CLU: variants seen among roughly 807,000 people sequenced by gnomAD.
CLU encodes clusterin, also known as aging-associated protein 4.
Under a neutral mutation model 46.4 loss-of-function variants are expected in CLU, and 25 were observed. The observed-to-expected ratio is 0.54, with a 90% CI of 0.39 to 0.75. The LOEUF is 0.75. Among genes scored for constraint, CLU ranks in the 30% least tolerant of loss-of-function variants. The pLI is 0.00. For synonymous variants in CLU, 235 were observed against 235.1 expected (o/e 1.00, Z 0.00); for missense variants, 504 against 592.1 (o/e 0.85, Z 1.54).
intron 1 of CLU, chr8:27,611,641 C>G: frequency 2.2e-6 from 1 of 457,892 alleles, no homozygotes; most frequent in Non-Finnish European, 4.4e-6. Context: ...TGGGGTTCCC[C>G]TTCCTGAAAT....
At position 27,604,387 on chromosome 8, in the gene CLU, C is replaced by G; in HGVS notation, c.838G>C (p.Asp280His). Residue 280 changes from aspartate (D) to histidine (H), a missense_variant, in exon 6 of 9, where the codon GAT becomes CAT. By Grantham distance (81) the Asp-to-His change is moderately conservative (BLOSUM62 -1). Around this residue, in one of 3 missense-constraint regions of CLU, gnomAD observed 428 missense variants for 484.0 expected, o/e 0.88. Transcript: ENST00000316403. ...PPTEFIREGD[D>H]DRTVCREIRH... ...ATCTCCCGGCACACAGTCCGGTCAT[C>G]GTCGCCTTCTGGGGACACACGAGGG... The G allele has an allele frequency of 1.2e-6, 2 of 1,614,142 alleles. No individual in the cohort carries two copies. Among genetic ancestry groups the G allele is most frequent in the Non-Finnish European group, 1.7e-6 (2 of 1,180,006 alleles).
chr8:27,598,433 G>A, intron 8 of CLU, 27 bp downstream of exon 8: 1 of 1,613,568 alleles, frequency 6.2e-7, no homozygotes, highest in Non-Finnish European at 8.5e-7. Flanking sequence ...GGCCCTGCAG[G>A]CCCGCAGGAA....
chr8:27,607,508 T>C (rs916680705), intron 3 of CLU, among the ~76,000 whole-genome samples: 24 of 151,776 alleles, frequency 1.6e-4, no homozygotes, highest in Non-Finnish European at 2.5e-4. Context: ...CAAACTATGG[T>C]TCATATAAAG....
At chr8:27,614,278 G>T (rs1800976712) in intron 1 of CLU, 1 of 167,726 alleles carries the variant, frequency 6.0e-6, no homozygotes, top group African/African-American at 2.4e-5. Flanking sequence ...CAGAGGATAT[G>T]CTGCAGGAAG....
intron 6 of CLU, 119 bp downstream of exon 6, chr8:27,604,172 A>T: frequency 1.3e-6 from 1 of 791,372 alleles, no homozygotes; most frequent in Non-Finnish European, 2.2e-6. Flanking sequence ...CAAAGGCTGC[A>T]GAGCTGGAAT....
chr8:27,603,958 G>A (rs1298990236), intron 6 of CLU, among the ~76,000 whole-genome samples: 2 of 152,200 alleles, frequency 1.3e-5, no homozygotes, highest in African/African-American at 2.4e-5. Context: ...TGCGCTTGGC[G>A]CTTGGGAACA....
At position 27,609,106 on chromosome 8, in the gene CLU, G is replaced by C; in HGVS notation, c.98-20C>G. 1.2e-6 allele frequency: 2 copies of C among 1,612,868 alleles called. No individual in the cohort carries two copies. The highest frequency in any genetic ancestry group is 8.5e-7 in the Non-Finnish European group (1 of 1,179,952). ...ACATTTCTGCAAGAGAAGTGCAAGA[G>C]GCAGAATGAGGCGAGAGGAAGAGGT... On this transcript the variant is annotated intron_variant, in intron 2 of 8. Transcript: ENST00000316403.
Position 27,604,943 on chromosome 8 carries a change from C to T in CLU, c.810G>A (p.Pro270=), listed in dbSNP as rs374233511. The T allele has an allele frequency of 1.2e-5, 20 of 1,614,004 alleles. No homozygotes were observed. The highest frequency in any genetic ancestry group is 1.1e-4 in the African/African-American group (8 of 74,916). ...TCTCACCTCGTATGAATTCTGTTGG[C>T]GGGTGCTGGAAGGCCGGGCTATGGA... ...IHFHSPAFQH[P]PTEFIREGDD... Residue 270 remains proline (P), a synonymous_variant, in exon 5 of 9, where the codon CCG becomes CCA. Coordinates refer to ENST00000316403, the MANE Select transcript of CLU (RefSeq NM_001831.4).
In CLU at chr8:27,604,328, C is replaced by T; in HGVS notation, c.897G>A (p.Lys299=). The change falls in exon 6 of 9, where the codon AAG becomes AAA. Residue 299 remains lysine, a synonymous_variant. Coordinates refer to ENST00000316403, the MANE Select transcript of CLU (RefSeq NM_001831.4). The part of the protein sequence containing the change: ...RHNSTGCLRM[K]DQCDKCREIL... ...TCTCCCGGCACTTGTCACACTGGTC[C>T]TTCATCCGCAGGCAGCCCGTGGAGT... is the stretch of plus-strand genomic sequence containing the variant. 6.2e-7 allele frequency: 1 copy of T among 1,614,158 alleles called. No individual in the cohort carries two copies. Among genetic ancestry groups the T allele is most frequent in the Non-Finnish European group, 8.5e-7 (1 of 1,180,006 alleles).
At chr8:27,606,627 C>A in intron 3 of CLU, 103 bp from the exon 4 acceptor site, 1 of 1,389,252 alleles carries the variant, frequency 7.2e-7, no homozygotes, top group Non-Finnish European at 1.0e-6. Context: ...CAGGCCTTCC[C>A]ATAGGCTGGC....
Position 27,598,618 on chromosome 8 carries a change from A to C in CLU, c.1182T>G (p.Ser394=). ...TGACACCGGAAGGAACGTCCGAGTC[A>C]GAAGTGTGGGAAGCCACCTAAATGG... ...LRVTTVASHT[S]DSDVPSGVTE... is the part of the protein sequence containing the mutation. The change falls in exon 8 of 9, where the codon TCT becomes TCG. Residue 394 remains serine, a synonymous_variant. Coordinates refer to ENST00000316403, the MANE Select transcript of CLU (RefSeq NM_001831.4). 3 of 1,613,818 alleles carry C rather than the reference A, an allele frequency of 1.9e-6. No homozygotes were observed. The highest frequency in any genetic ancestry group is 1.1e-5 in the South Asian group (1 of 91,092).
chr8:27,601,767 G>A (rs927975279), intron 6 of CLU, among the ~76,000 whole-genome samples: 4 of 152,176 alleles, frequency 2.6e-5, no homozygotes, highest in African/African-American at 9.6e-5. Context: ...AAATAAATAT[G>A]TAATAAATAA....
At position 27,597,870 on chromosome 8, in the gene CLU, T is replaced by C; in HGVS notation, c.*371A>G. The C allele has an allele frequency of 2.0e-6, 1 of 503,780 alleles. No individual in the cohort carries two copies. The highest frequency in any genetic ancestry group is 3.8e-6 in the Non-Finnish European group (1 of 260,346). The allele number at this position is 503,780 out of a possible 1,614,324, so 31.2% of individuals were successfully genotyped here. ...TATTCTTCACTGGTATGACAGTCCC[T>C]ATACCATCTTAGCCACTGCTTTTTT... On this transcript the variant is annotated 3_prime_UTR_variant, in exon 9 of 9. Coordinates refer to ENST00000316403, the MANE Select transcript of CLU (RefSeq NM_001831.4).
chr8:27,607,061 G>A (rs1368899490), intron 3 of CLU, among the ~76,000 whole-genome samples: 2 of 152,340 alleles, frequency 1.3e-5, no homozygotes, highest in Admixed American at 1.3e-4. Flanking sequence ...TCTCAGGCCA[G>A]GTGCGGCAGC....
At position 27,609,099 on chromosome 8, in the gene CLU, T is replaced by A. The variant is rs1479709482; in HGVS notation, c.98-13A>T. The A allele has an allele frequency of 6.2e-7, 1 of 1,613,582 alleles. No homozygotes were observed. Among genetic ancestry groups the A allele is most frequent in the East Asian group, 2.2e-5 (1 of 44,890 alleles). ...TGATTGGACATTTCTGCAAGAGAAG[T>A]GCAAGAGGCAGAATGAGGCGAGAGG... On this transcript the variant is annotated splice_polypyrimidine_tract_variant and intron_variant, in intron 2 of 8. Coordinates refer to ENST00000316403, the MANE Select transcript of CLU (RefSeq NM_001831.4).
At position 27,597,704 on chromosome 8, in the gene CLU, G is replaced by C. The variant is rs1177847678; in HGVS notation, c.*537C>G. On this transcript the variant is annotated 3_prime_UTR_variant, in exon 9 of 9. Transcript: ENST00000316403. ...GCACCTTGGTCAGAATACATCGACA[G>C]TTTTATAATAGAACAGAAAAGCTTC... The C allele has an allele frequency of 2.2e-6, 1 of 454,110 alleles. No homozygotes were observed. The highest frequency in any genetic ancestry group is 2.0e-5 in the African/African-American group (1 of 49,988). 28.1% of individuals were successfully genotyped at this position (454,110 alleles called of 1,614,324 possible). A position where few individuals can be genotyped will look rare whatever the true frequency, so the allele number is the denominator to read the frequency against.
At chr8:27,600,139 C>T (rs1800694490) in intron 6 of CLU, 130 bp from the exon 7 acceptor site, 1 of 727,820 alleles carries the variant, frequency 1.4e-6, no homozygotes, top group Non-Finnish European at 2.4e-6. Flanking sequence ...GGAAGGGCCA[C>T]AAACTGGAAT....
In CLU at chr8:27,598,114, G is replaced by A. The variant is rs1800642978; in HGVS notation, c.*127C>T. On this transcript the variant is annotated 3_prime_UTR_variant, in exon 9 of 9. Transcript: ENST00000316403. ...CCAGAGCGGGGAGAGGCTGGGCGGA[G>A]TTGGGGGCCTGGAGGCTGGGGCCTG... The A allele has an allele frequency of 2.3e-6, 2 of 862,630 alleles. No individual in the cohort carries two copies. Among genetic ancestry groups the A allele is most frequent in the African/African-American group, 1.7e-5 (1 of 60,042 alleles). The allele number at this position is 862,630 out of a possible 1,614,324, so 53.4% of individuals were successfully genotyped here.
rs771218312 is a variant in CLU at position 27,606,518 on chromosome 8, G to A, written c.253C>T (p.Leu85=). The A allele has an allele frequency of 3.7e-6, 6 of 1,614,076 alleles. No homozygotes were observed. The highest frequency in any genetic ancestry group is 1.1e-5 in the South Asian group (1 of 91,078). The change falls in exon 4 of 9, where the codon CTA becomes TTA. Residue 85 remains leucine (L), a synonymous_variant. Coordinates refer to ENST00000316403, the MANE Select transcript of CLU (RefSeq NM_001831.4). The part of the protein sequence containing the change: ...EEAKKKKEDA[L]NETRESETKL... The stretch of plus-strand genomic sequence containing the variant: ...GTCTCTGATTCCCTGGTCTCATTTA[G>A]GGCATCCTACAGGAAGACACAAGGC...
Sources: gnomAD v4.1 joint callset for allele counts (sites outside exome capture counted in the v4.1 genomes callset) on GRCh38, gnomAD v4.1.1 for gene constraint, gnomAD v4.1.1 regional missense constraint, MANE v1.5 for transcripts, NCBI Gene and HGNC (gene_info 2026-07-23, HGNC 2026-07-21) for gene names.